The following DLC1 variants were observed in gnomAD, a reference collection of about 807,000 sequenced individuals.
DLC1 encodes rho GTPase-activating protein 7.
In DLC1, 54 loss-of-function variants were observed where a neutral mutation model predicts 140.3. The observed-to-expected ratio is 0.38, with a 90% confidence interval of 0.31 to 0.48. The LOEUF (loss-of-function observed/expected upper bound fraction) is 0.48, where lower values mean the gene tolerates loss of function less well. Among genes scored for constraint, DLC1 ranks in the 20% least tolerant of loss-of-function variants. DLC1 has a pLI of 0.96. For synonymous variants in DLC1, 986 were observed against 728.1 expected, an observed-to-expected ratio of 1.35 and a Z score of -5.70; for missense variants, 2,536 against 1,907.0, an observed-to-expected ratio of 1.33 and a Z score of -6.14.
At chr8:13,397,543 A>C (rs1837103603) in intron 3 of DLC1, among the ~76,000 whole-genome samples, 1 of 152,074 alleles carries the variant, frequency 6.6e-6, no homozygotes, top group South Asian at 2.1e-4. Flanking sequence ...TAAATTAAGA[A>C]AGAGACTGGG....
Position 13,115,453 on chromosome 8 carries a change from T to C in DLC1, c.1420+133A>G, listed in dbSNP as rs1450039075. 1.5e-5 allele frequency: 13 copies of C among 877,188 alleles called. No individual in the cohort carries two copies. The South Asian group carries it at 1.8e-4, about 12-fold the overall frequency. The allele number at this position is 877,188 out of a possible 1,614,324, so 54.3% of individuals were successfully genotyped here. On this transcript the variant is annotated intron_variant, in intron 6 of 17. Coordinates refer to ENST00000276297, the MANE Select transcript of DLC1 (RefSeq NM_182643.3). Reference sequence around the variant, plus strand: ...TGTTTTCAGCGGTGGGGGTCTTGCATGCTTACAACATTTTTTTTAAAAATA... The same window carrying C: ...TGTTTTCAGCGGTGGGGGTCTTGCACGCTTACAACATTTTTTTTAAAAATA...
At chr8:13,366,385 C>G (rs1563288384) in intron 4 of DLC1, among the ~76,000 whole-genome samples, 1 of 152,232 alleles carries the variant, frequency 6.6e-6, no homozygotes, top group East Asian at 1.9e-4. Context: ...TGTCCATGGC[C>G]CCATGAAACT....
At position 13,279,741 on chromosome 8, in the gene DLC1, C is replaced by G. The variant is rs547751998; in HGVS notation, c.1348+25528G>C. 2.0e-5 allele frequency among the ~76,000 whole-genome samples: 3 copies of G among 152,252 alleles called. No homozygotes were observed. The South Asian group carries it at 6.2e-4, about 32-fold the overall frequency. On this transcript the variant is annotated intron_variant, in intron 5 of 17. Transcript: ENST00000276297. The stretch of plus-strand genomic sequence containing the variant: ...AATACACAACCAGTTTTAAATTATT[C>G]TTACATTTTGCTTTCTTTGTAGGCC...
chr8:13,134,343 G>T (rs1270113372), intron 5 of DLC1, among the ~76,000 whole-genome samples: 1 of 152,196 alleles, frequency 6.6e-6, no homozygotes, highest in Non-Finnish European at 1.5e-5. Flanking sequence ...CATTTACTAT[G>T]TGCCAAACAC....
chr8:13,174,327 C>T (rs1978666), intron 5 of DLC1, among the ~76,000 whole-genome samples: 1 of 152,092 alleles, frequency 6.6e-6, no homozygotes, highest in Admixed American at 6.5e-5. Flanking sequence ...TATGAACATA[C>T]AAGTGCATGT....
chr8:13,180,941 T>C (rs1018235501), intron 5 of DLC1, among the ~76,000 whole-genome samples: 1 of 152,202 alleles, frequency 6.6e-6, no homozygotes, highest in Non-Finnish European at 1.5e-5. Flanking sequence ...TTCTTACTCA[T>C]TGGTTTCACT....
At chr8:13,243,479 C>T (rs1334550294) in intron 5 of DLC1, among the ~76,000 whole-genome samples, 1 of 151,998 alleles carries the variant, frequency 6.6e-6, no homozygotes, top group African/African-American at 2.4e-5. Context: ...TATAAATGTC[C>T]AGTCTCAGGT....
At chr8:13,108,586 C>G (rs553183660) in intron 7 of DLC1, among the ~76,000 whole-genome samples, 1 of 152,212 alleles carries the variant, frequency 6.6e-6, no homozygotes, top group African/African-American at 2.4e-5. Context: ...TCTGAAAAAG[C>G]ATTCAAGAAT....
chr8:13,417,331 G>GATCTCATTATTTT, intron 2 of DLC1, among the ~76,000 whole-genome samples: 1 of 151,514 alleles, frequency 6.6e-6, no homozygotes, highest in Non-Finnish European at 1.5e-5. Flanking sequence ...TTAGCATTAG[G>GATCTCATTATTTT]TATATCTCCT....
chr8:13,228,429 A>G (rs896935834), intron 5 of DLC1, among the ~76,000 whole-genome samples: 2 of 152,118 alleles, frequency 1.3e-5, no homozygotes, highest in Non-Finnish European at 2.9e-5. Context: ...ACTCAATTAT[A>G]AAAAGACAAA....
intron 1 of DLC1, among the ~76,000 whole-genome samples, chr8:13,559,631 C>G (rs746064894): frequency 6.6e-6 from 1 of 152,100 alleles, no homozygotes; most frequent in African/African-American, 2.4e-5. Context: ...CAATAAAATG[C>G]TTTGCAAAGA....
chr8:13,350,350 C>G (rs1834589380), intron 4 of DLC1, among the ~76,000 whole-genome samples: 1 of 150,444 alleles, frequency 6.6e-6, no homozygotes, highest in Non-Finnish European at 1.5e-5. Context: ...TGAAGTTTTT[C>G]TTGTGTATTT....
chr8:13,539,495 C>T (rs1057270707), intron 1 of DLC1, among the ~76,000 whole-genome samples: 8 of 152,108 alleles, frequency 5.3e-5, no homozygotes, highest in African/African-American at 1.7e-4. Flanking sequence ...CCACTGCACC[C>T]GCCGCGAATA....
At chr8:13,567,671 T>G in intron 1 of DLC1, 4 of 1,551,862 alleles carry the variant, frequency 2.6e-6, no homozygotes, top group Non-Finnish European at 3.5e-6. Context: ...TCATTTCTAC[T>G]CCAAGAGAGA....
chr8:13,169,152 A>T (rs2116916415), intron 5 of DLC1, among the ~76,000 whole-genome samples: 1 of 152,328 alleles, frequency 6.6e-6, no homozygotes, highest in East Asian at 1.9e-4. Flanking sequence ...ATGTAGCTCA[A>T]GGTTAGAACT....
intron 5 of DLC1, among the ~76,000 whole-genome samples, chr8:13,221,359 GTTTTC>G (rs1403213271): frequency 3.3e-5 from 5 of 150,168 alleles, no homozygotes; most frequent in Admixed American, 1.3e-4. Context: ...GCTTCCAAAG[GTTTTC>G]TTTTCTTTTT....
intron 4 of DLC1, among the ~76,000 whole-genome samples, chr8:13,381,786 T>C (rs970766053): frequency 8.5e-5 from 13 of 152,164 alleles, no homozygotes; most frequent in African/African-American, 2.9e-4. Context: ...ACATAATAGA[T>C]GATCAGTACT....
At chr8:13,580,210 C>T (rs1412843757) in intron 1 of DLC1, among the ~76,000 whole-genome samples, 7 of 152,060 alleles carry the variant, frequency 4.6e-5, no homozygotes, top group African/African-American at 1.4e-4. Context: ...GCAGCCTCTG[C>T]CTCCCTGGTT....
rs373982910 is a variant in DLC1 at position 13,477,172 on chromosome 8, C to A, written c.1023+21877G>T. On this transcript the variant is annotated intron_variant, in intron 2 of 17. Coordinates refer to ENST00000276297, the MANE Select transcript of DLC1 (RefSeq NM_182643.3). ...TCTGCCTTCAAAGAGCATGTAGTAACCCCAAATCAGGGCCTCAGGTTTATT... is the reference window on the plus strand; with the variant it reads ...TCTGCCTTCAAAGAGCATGTAGTAAACCCAAATCAGGGCCTCAGGTTTATT... Among the ~76,000 whole-genome samples the A allele has an allele frequency of 6.6e-5, 10 of 151,692 alleles. No homozygotes were observed. In the East Asian group the frequency reaches 1.9e-3, roughly 29 times the overall value.
Sources: gnomAD v4.1 joint callset for allele counts (sites outside exome capture counted in the v4.1 genomes callset) on GRCh38, gnomAD v4.1.1 for gene constraint, MANE v1.5 for transcripts, NCBI Gene and HGNC (gene_info 2026-07-23, HGNC 2026-07-21) for gene names.